Variants in MIGA1 observed in about 807,000 individuals in gnomAD.
The protein encoded by MIGA1 is family with sequence similarity 73, member A.
Under a neutral mutation model 82.0 loss-of-function variants are expected in MIGA1, and 58 were observed. The ratio of observed to expected loss-of-function variants is 0.71; its 90% CI spans 0.57 to 0.88. The LOEUF (loss-of-function observed/expected upper bound fraction) is 0.88. Among genes scored for constraint, MIGA1 ranks in the 40% least tolerant of loss-of-function variants. MIGA1 has a pLI of 0.00. For missense variants in MIGA1, 751 were observed against 749.1 expected, an observed-to-expected ratio of 1.00 and a Z score of -0.03; for synonymous variants, 249 against 253.6, an observed-to-expected ratio of 0.98 and a Z score of 0.17.
intron 2 of MIGA1, among the ~76,000 whole-genome samples, chr1:77,795,048 C>T (rs955000332): frequency 6.6e-6 from 1 of 150,648 alleles, no homozygotes; most frequent in Non-Finnish European, 1.5e-5. Context: ...ACTGCAATCT[C>T]CACCTCCCGG....
Position 77,873,124 on chromosome 1 carries a change from T to C in MIGA1, c.1680+4T>C. The C allele has an allele frequency of 6.2e-7, 1 of 1,608,032 alleles. No homozygotes were observed. The highest frequency in any genetic ancestry group is 2.2e-5 in the East Asian group (1 of 44,852). ...TGATTTATGTTGCTTTTTTAAGGTA[T>C]GTTCAGTCATTGAATCATTTCTCTT... On this transcript the variant is annotated splice_donor_region_variant and intron_variant, in intron 15 of 15. Coordinates refer to ENST00000370791, the MANE Select transcript of MIGA1 (RefSeq NM_198549.4).
chr1:77,801,414 T>C lies in MIGA1; in HGVS notation c.279T>C (p.Phe93=). The stretch of plus-strand genomic sequence containing the variant: ...CTGTAATTTTTCTGGCTCATCACTT[T>C]AAAAGAAAACGTGGAAAGAAGAAAG... Residue 93 remains phenylalanine (F), a synonymous_variant, in exon 3 of 16, where the codon TTT becomes TTC. Coordinates refer to ENST00000370791, the MANE Select transcript of MIGA1 (RefSeq NM_198549.4). 6.2e-7 allele frequency: 1 copy of C among 1,609,422 alleles called. No homozygotes were observed. Among genetic ancestry groups the C allele is most frequent in the South Asian group, 1.1e-5 (1 of 90,044 alleles).
At position 77,801,410 on chromosome 1, in the gene MIGA1, A is replaced by G. The variant is rs774540541; in HGVS notation, c.275A>G (p.His92Arg). The G allele has an allele frequency of 3.1e-6, 5 of 1,608,778 alleles. No individual in the cohort carries two copies. The highest frequency in any genetic ancestry group is 4.2e-6 in the Non-Finnish European group (5 of 1,179,104). Residue 92 changes from histidine (H) to arginine (R), a missense_variant, in exon 3 of 16, where the codon CAC (histidine) becomes CGC (arginine). Physicochemically the swap from His to Arg is conservative, Grantham distance 29. This residue lies in a region of MIGA1 where 482 missense variants were observed against 439.4 expected (regional missense o/e 1.10). Coordinates refer to ENST00000370791, the MANE Select transcript of MIGA1 (RefSeq NM_198549.4). Reference sequence around the variant, plus strand: ...ATATCTGTAATTTTTCTGGCTCATCACTTTAAAAGAAAACGTGGAAAGAAG... The same window carrying G: ...ATATCTGTAATTTTTCTGGCTCATCGCTTTAAAAGAAAACGTGGAAAGAAG...
intron 8 of MIGA1, among the ~76,000 whole-genome samples, chr1:77,844,113 A>AAAATAT (rs1296124524): frequency 1.0e-3 from 94 of 90,084 alleles, no homozygotes; most frequent in East Asian, 4.1e-3. Context: ...AAAAAAAAAA[A>AAAATAT]ATATATATAT....
At chr1:77,851,844 G>A (rs1171233864) in intron 8 of MIGA1, among the ~76,000 whole-genome samples, 1 of 151,132 alleles carries the variant, frequency 6.6e-6, no homozygotes, top group Non-Finnish European at 1.5e-5. Flanking sequence ...TTCATGTAGA[G>A]GGTTTAATTG....
rs374230686 is a variant in MIGA1 at position 77,851,876 on chromosome 1, CTTTT to C, written c.997-7047_997-7044del. Among the ~76,000 whole-genome samples, 3 of 120,396 alleles carry C rather than the reference CTTTT, an allele frequency of 2.5e-5. No individual in the cohort carries two copies. The Admixed American group carries it at 2.6e-4, about 11-fold the overall frequency. 79.0% of individuals were successfully genotyped at this position (120,396 alleles called of 152,430 possible). A position where few individuals can be genotyped will look rare whatever the true frequency, so the allele number is the denominator to read the frequency against. ...ATTGGAGCCCAGTTTAGTTTTCTTT[CTTTT>C]TTTTTTTTTTTTTTGAGACAGAGTC... On this transcript the variant is annotated intron_variant, in intron 8 of 15. Transcript: ENST00000370791.
intron 7 of MIGA1, among the ~76,000 whole-genome samples, chr1:77,825,732 G>A (rs752878754): frequency 6.6e-6 from 1 of 152,000 alleles, no homozygotes; most frequent in Non-Finnish European, 1.5e-5. Context: ...TTCAGAGATT[G>A]TTAAATTATA....
chr1:77,792,754 T>C (rs565298810), intron 2 of MIGA1, among the ~76,000 whole-genome samples: 1 of 151,920 alleles, frequency 6.6e-6, no homozygotes, highest in South Asian at 2.1e-4. Flanking sequence ...TCTCTTCATG[T>C]CCTTTGCCCA....
intron 12 of MIGA1, among the ~76,000 whole-genome samples, chr1:77,862,830 A>C (rs1685516107): frequency 6.6e-6 from 1 of 151,344 alleles, no homozygotes; most frequent in Non-Finnish European, 1.5e-5. Flanking sequence ...AATCCCAGCT[A>C]CTCAGGAGGG....
At chr1:77,871,658 G>A (rs1646835590) in intron 14 of MIGA1, among the ~76,000 whole-genome samples, 1 of 152,060 alleles carries the variant, frequency 6.6e-6, no homozygotes, top group Non-Finnish European at 1.5e-5. Context: ...TTTAACAAGG[G>A]AAATTCAAAA....
intron 8 of MIGA1, chr1:77,847,018 T>C (rs549191906): frequency 9.2e-6 from 6 of 650,740 alleles, no homozygotes; most frequent in East Asian, 2.6e-5. Context: ...GCTTTTGCTA[T>C]ATCCACCTCT....
Position 77,850,814 on chromosome 1 carries a change from T to A in MIGA1, c.996+7407T>A, listed in dbSNP as rs374054472. On this transcript the variant is annotated intron_variant, in intron 8 of 15. Transcript: ENST00000370791. ...ATGTGGGAATTATCTATTTTTCTGT[T>A]TTTATTGTTGCTGTTGTTGTTGACT... is the stretch of plus-strand genomic sequence containing the variant. Among the ~76,000 whole-genome samples the A allele has an allele frequency of 8.5e-5, 13 of 152,238 alleles. No homozygotes were observed. In the East Asian group the frequency reaches 1.7e-3, roughly 20 times the overall value.
In MIGA1 at chr1:77,875,957, AC is replaced by A. The variant is rs1379387767; in HGVS notation, c.*897del. 2.6e-5 allele frequency: 4 copies of A among 152,080 alleles called. No individual in the cohort carries two copies. The highest frequency in any genetic ancestry group is 9.7e-5 in the African/African-American group (4 of 41,364). The allele number at this position is 152,080 out of a possible 1,614,324, so 9.4% of individuals were successfully genotyped here. ...AGACCAGCCTCCCCAATATGGTGAA[AC>A]CCCGTCTCTACTAAAAATACAAAAA... On this transcript the variant is annotated 3_prime_UTR_variant, in exon 16 of 16. Transcript: ENST00000370791.
At chr1:77,790,944 G>A (rs1235658196) in intron 2 of MIGA1, among the ~76,000 whole-genome samples, 1 of 151,938 alleles carries the variant, frequency 6.6e-6, no homozygotes, top group East Asian at 1.9e-4. Flanking sequence ...CTATAGTTTT[G>A]TCATTTCAAG....
intron 8 of MIGA1, among the ~76,000 whole-genome samples, chr1:77,858,098 C>T (rs56830324): frequency 0.094 from 14,241 of 152,154 alleles, 1,098 homozygotes; most frequent in African/African-American, 0.21. Flanking sequence ...CGCCTGAATG[C>T]CAGTACTTTG....
intron 7 of MIGA1, among the ~76,000 whole-genome samples, chr1:77,825,249 G>T (rs1240418594): frequency 6.6e-6 from 1 of 151,956 alleles, no homozygotes; most frequent in Non-Finnish European, 1.5e-5. Context: ...CAAGTGATCT[G>T]CCCGCCTCAG....
chr1:77,864,423 C>G (rs1225835399), intron 13 of MIGA1, among the ~76,000 whole-genome samples: 1 of 151,876 alleles, frequency 6.6e-6, no homozygotes, highest in Non-Finnish European at 1.5e-5. Flanking sequence ...CACCTGTAAT[C>G]TCAGCACTTT....
chr1:77,788,125 C>T (rs891772202), intron 2 of MIGA1, among the ~76,000 whole-genome samples: 5 of 152,210 alleles, frequency 3.3e-5, no homozygotes, highest in African/African-American at 1.2e-4. Flanking sequence ...GCCTCAGCTT[C>T]CCAAGTAGCT....
At position 77,783,305 on chromosome 1, in the gene MIGA1, TAA is replaced by T; in HGVS notation, c.150_151del (p.Arg51SerfsTer3). 3 of 1,604,002 alleles carry T rather than the reference TAA, an allele frequency of 1.9e-6. No individual in the cohort carries two copies. The highest frequency in any genetic ancestry group is 2.2e-5 in the East Asian group (1 of 44,792). Reference sequence around the variant, plus strand: ...CAGTTTTCCTTGAAGACAGCAGCGCTAAGAGTGTTTGATCTTCCTCTGACTTG... The same window carrying T: ...CAGTTTTCCTTGAAGACAGCAGCGCTGAGTGTTTGATCTTCCTCTGACTTG... On this transcript the variant is annotated frameshift_variant, in exon 2 of 16. Coordinates refer to ENST00000370791, the MANE Select transcript of MIGA1 (RefSeq NM_198549.4). LOFTEE classifies it high-confidence loss of function.
Sources: gnomAD v4.1 joint callset for allele counts (sites outside exome capture counted in the v4.1 genomes callset) on GRCh38, gnomAD v4.1.1 for gene constraint, gnomAD v4.1.1 regional missense constraint, MANE v1.5 for transcripts, NCBI Gene and HGNC (gene_info 2026-07-23, HGNC 2026-07-21) for gene names.